NIPA2: variants seen among roughly 807,000 people sequenced by gnomAD.
The protein encoded by NIPA2 is magnesium transporter NIPA2.
NIPA2 carries 11 observed loss-of-function variants against 29.7 expected under a neutral mutation model. That is an observed-to-expected ratio of 0.37 (90% CI 0.23 to 0.61). The LOEUF is 0.61. Among genes scored for constraint, NIPA2 ranks in the 20% least tolerant of loss-of-function variants. The probability of loss-of-function intolerance (pLI) is 0.66; values close to 1 mark genes in which losing one functional copy is unlikely to be tolerated. For synonymous variants in NIPA2, 183 were observed against 161.9 expected (o/e 1.13, Z -0.99); for missense variants, 426 against 437.9 (o/e 0.97, Z 0.24).
At position 22,858,640 on chromosome 15, in the gene NIPA2, C is replaced by A. The variant is rs367727652; in HGVS notation, c.287+10C>A. The A allele has an allele frequency of 6.5e-7, 1 of 1,530,132 alleles. No individual in the cohort carries two copies. Among genetic ancestry groups the A allele is most frequent in the East Asian group, 2.3e-5 (1 of 43,132 alleles). 94.8% of individuals were successfully genotyped at this position (1,530,132 alleles called of 1,614,324 possible). A position where few individuals can be genotyped will look rare whatever the true frequency, so the allele number is the denominator to read the frequency against. ...TCAGCGTGCTAGTAAGGTAAGGACA[C>A]GTTTTTCATGTAGAAACAGTAGTCG... On this transcript the variant is annotated intron_variant, in intron 6 of 7. Transcript: ENST00000337451.
chr15:22,864,402 C>G (rs1056447762), intron 7 of NIPA2, among the ~76,000 whole-genome samples: 1 of 152,214 alleles, frequency 6.6e-6, no homozygotes, highest in African/African-American at 2.4e-5. Flanking sequence ...GATCCGCCCA[C>G]CTCGGCCGCC....
chr15:22,854,415 G>A (rs747252538), intron 5 of NIPA2, among the ~76,000 whole-genome samples: 9 of 149,030 alleles, frequency 6.0e-5, no homozygotes, highest in East Asian at 2.1e-4. Context: ...GTGAGCCACC[G>A]TGCCTGGCCT....
Position 22,866,393 on chromosome 15 carries a change from A to G in NIPA2, c.629A>G (p.Lys210Arg), listed in dbSNP as rs147336017. ...GIAIKELFAG[K>R]PVLRHPLAWI... ...GCTATCAAGGAGCTGTTTGCAGGGA[A>G]GCCTGTGCTGCGGCATCCCCTGGCT... Residue 210 changes from lysine to arginine, a missense_variant, in exon 8 of 8, where the codon AAG becomes AGG. Physicochemically the swap from Lys to Arg is conservative, Grantham distance 26. This residue lies in a region of NIPA2 where 357 missense variants were observed against 339.8 expected (regional missense o/e 1.05). Transcript: ENST00000337451. 471 of 1,614,038 alleles carry G rather than the reference A, an allele frequency of 2.9e-4. 1 individual carries two copies. In the African/African-American group the frequency reaches 5.7e-3, roughly 19 times the overall value.
chr15:22,847,709 A>C (rs938101677), intron 3 of NIPA2, among the ~76,000 whole-genome samples: 3 of 151,352 alleles, frequency 2.0e-5, no homozygotes, highest in Non-Finnish European at 4.4e-5. Flanking sequence ...TGATCTGCCC[A>C]CCTCGGCCTC....
Position 22,866,873 on chromosome 15 carries a change from G to A in NIPA2, c.*26G>A. On this transcript the variant is annotated 3_prime_UTR_variant, in exon 8 of 8. Transcript: ENST00000337451. The stretch of plus-strand genomic sequence containing the variant: ...GAAAGGTGTAATTAAAGGTTAATCT[G>A]TGATTGTTATGAAGTGAATTTGAAT... 6.5e-7 allele frequency: 1 copy of A among 1,546,948 alleles called. No homozygotes were observed. The highest frequency in any genetic ancestry group is 8.7e-7 in the Non-Finnish European group (1 of 1,146,338).
intron 2 of NIPA2, among the ~76,000 whole-genome samples, chr15:22,840,847 C>T (rs933323073): frequency 7.9e-5 from 12 of 152,092 alleles, no homozygotes; most frequent in African/African-American, 2.4e-4. Context: ...CACATATTTT[C>T]AGAATGTTTT....
At chr15:22,861,064 G>A (rs2058587283) in intron 7 of NIPA2, among the ~76,000 whole-genome samples, 2 of 151,994 alleles carry the variant, frequency 1.3e-5, no homozygotes, top group African/African-American at 4.8e-5. Context: ...TACCTATATA[G>A]TTTTCTTGAG....
Position 22,866,236 on chromosome 15 carries a change from G to T in NIPA2, c.472G>T (p.Val158Leu), listed in dbSNP as rs767673551. ...AGGTTTTGTGGTCTTTGCAACCCTT[G>T]TGGTCATTGTGGCCTTGATATTAAT... ...DPGFVVFATL[V>L]VIVALILIFV... The change falls in exon 8 of 8, where the codon GTG (valine) becomes TTG (leucine). Residue 158 changes from valine (V) to leucine (L), a missense_variant. Transcript: ENST00000337451. 1 of 1,613,672 alleles carries T rather than the reference G, an allele frequency of 6.2e-7. No homozygotes were observed. Among genetic ancestry groups the T allele is most frequent in the South Asian group, 1.1e-5 (1 of 91,064 alleles).
chr15:22,864,092 T>C (rs992622948), intron 7 of NIPA2, among the ~76,000 whole-genome samples: 3 of 152,220 alleles, frequency 2.0e-5, no homozygotes, highest in Non-Finnish European at 4.4e-5. Context: ...TCTGTCTACA[T>C]GGGAGAAAGA....
chr15:22,847,041 T>G (rs548281395), intron 3 of NIPA2, among the ~76,000 whole-genome samples: 30 of 151,490 alleles, frequency 2.0e-4, no homozygotes, highest in Non-Finnish European at 3.5e-4. Flanking sequence ...GTAGCTAAGA[T>G]TACAGGTATG....
intron 3 of NIPA2, among the ~76,000 whole-genome samples, chr15:22,849,831 G>C (rs1375388092): frequency 6.6e-6 from 1 of 151,972 alleles, no homozygotes; most frequent in Non-Finnish European, 1.5e-5. Flanking sequence ...CAAAGTGCTG[G>C]GATTACATGT....
chr15:22,852,337 T>A (rs1056125518), intron 4 of NIPA2, among the ~76,000 whole-genome samples: 1 of 151,920 alleles, frequency 6.6e-6, no homozygotes, highest in Non-Finnish European at 1.5e-5. Flanking sequence ...CATGGTGGCC[T>A]GGCCTATAGT....
At chr15:22,862,861 C>T (rs1240163331) in intron 7 of NIPA2, among the ~76,000 whole-genome samples, 1 of 146,460 alleles carries the variant, frequency 6.8e-6, no homozygotes, top group Non-Finnish European at 1.5e-5. Flanking sequence ...TTGTTTTAAG[C>T]TTTGTTGGGC....
intron 7 of NIPA2, among the ~76,000 whole-genome samples, chr15:22,862,917 T>C (rs1342072927): frequency 1.4e-5 from 2 of 147,866 alleles, no homozygotes. Context: ...TTTTTTTTTT[T>C]TGGAGACAGT....
intron 5 of NIPA2, among the ~76,000 whole-genome samples, chr15:22,857,916 T>G (rs2058320787): frequency 6.6e-6 from 1 of 151,680 alleles, no homozygotes; most frequent in African/African-American, 2.4e-5. Flanking sequence ...CGGCTTCTTC[T>G]CAGTGATTTT....
chr15:22,844,835 A>C (rs761935485), intron 2 of NIPA2, among the ~76,000 whole-genome samples: 8 of 152,206 alleles, frequency 5.3e-5, no homozygotes, highest in South Asian at 4.1e-4. Flanking sequence ...AGACTCTTTA[A>C]AAGTGTTTAA....
At position 22,849,563 on chromosome 15, in the gene NIPA2, A is replaced by ATT. The variant is rs11423765; in HGVS notation, c.-93-2063_-93-2062dup. 2.4e-3 allele frequency among the ~76,000 whole-genome samples: 346 copies of ATT among 144,466 alleles called. 5 individuals carry two copies. The highest frequency in any genetic ancestry group is 0.012 in the South Asian group (56 of 4,496). 94.8% of individuals were successfully genotyped at this position (144,466 alleles called of 152,430 possible). On this transcript the variant is annotated intron_variant, in intron 3 of 7. Transcript: ENST00000337451. ...GAGTGTTTTCTTTCAATGTTTCAGT[A>ATT]TTTTTTTTTTTTTTGAGATAGAGTC...
At chr15:22,852,857 C>A (rs1800618825) in intron 4 of NIPA2, among the ~76,000 whole-genome samples, 1 of 152,124 alleles carries the variant, frequency 6.6e-6, no homozygotes, top group Non-Finnish European at 1.5e-5. Flanking sequence ...TTCTGTCTTC[C>A]CTGTGCCATC....
intron 3 of NIPA2, among the ~76,000 whole-genome samples, chr15:22,846,840 A>ATTATTATT (rs1555380237): frequency 0.023 from 3,068 of 134,894 alleles, 114 homozygotes; most frequent in African/African-American, 0.077. Flanking sequence ...TAATAATAAT[A>ATTATTATT]ATTATTATTA....
Sources: allele counts gnomAD v4.1 joint callset (sites outside exome capture counted in the v4.1 genomes callset), GRCh38; gene constraint gnomAD v4.1.1; regional missense constraint gnomAD v4.1.1; transcripts MANE v1.5; gene names NCBI Gene and HGNC (gene_info 2026-07-23, HGNC 2026-07-21).